Variants in FBXL7 observed in about 807,000 individuals in gnomAD.
FBXL7 encodes the protein F-box/LRR-repeat protein 7.
FBXL7 carries 12 observed loss-of-function variants against 38.3 expected under a neutral mutation model. That is an observed-to-expected ratio of 0.31 (90% CI 0.20 to 0.51). FBXL7 has a LOEUF of 0.51. FBXL7 is among the 20% of genes least tolerant of loss of function. The pLI, the probability that FBXL7 is intolerant of heterozygous loss-of-function variation, is 0.98. For synonymous variants in FBXL7, 297 were observed against 300.9 expected, an observed-to-expected ratio of 0.99 and a Z score of 0.13; for missense variants, 567 against 676.4, an observed-to-expected ratio of 0.84 and a Z score of 1.79.
At chr5:15,689,918 A>G (rs764784623) in intron 2 of FBXL7, among the ~76,000 whole-genome samples, 1 of 152,188 alleles carries the variant, frequency 6.6e-6, no homozygotes, top group Non-Finnish European at 1.5e-5. Context: ...TGTGCTGTGC[A>G]TTGTAAGATG....
intron 2 of FBXL7, among the ~76,000 whole-genome samples, chr5:15,779,935 C>T (rs756213717): frequency 3.3e-5 from 5 of 152,174 alleles, no homozygotes; most frequent in African/African-American, 4.8e-5. Flanking sequence ...TCTGCTCTCT[C>T]CAAACCTAAT....
At chr5:15,847,718 A>C (rs990391731) in intron 2 of FBXL7, among the ~76,000 whole-genome samples, 1 of 152,110 alleles carries the variant, frequency 6.6e-6, no homozygotes, top group African/African-American at 2.4e-5. Flanking sequence ...TCCAAGGAGG[A>C]CCTGACCTAA....
intron 2 of FBXL7, among the ~76,000 whole-genome samples, chr5:15,757,356 C>T (rs981254418): frequency 1.3e-5 from 2 of 152,120 alleles, no homozygotes; most frequent in African/African-American, 4.8e-5. Flanking sequence ...AAGACCTGGG[C>T]ACTTACATTC....
chr5:15,582,267 A>G (rs1297234129), intron 1 of FBXL7, among the ~76,000 whole-genome samples: 2 of 152,202 alleles, frequency 1.3e-5, no homozygotes, highest in African/African-American at 4.8e-5. Context: ...AAATGCATGC[A>G]CTGAAAATTG....
At chr5:15,647,524 G>A (rs1435133903) in intron 2 of FBXL7, among the ~76,000 whole-genome samples, 1 of 152,202 alleles carries the variant, frequency 6.6e-6, no homozygotes, top group Non-Finnish European at 1.5e-5. Flanking sequence ...TAGGGGAGTG[G>A]AGTGCTAATC....
intron 2 of FBXL7, among the ~76,000 whole-genome samples, chr5:15,620,191 C>T (rs554519997): frequency 2.0e-5 from 3 of 151,636 alleles, no homozygotes; most frequent in Admixed American, 6.6e-5. Flanking sequence ...GCATGATCTT[C>T]AGACTTATAT....
At chr5:15,890,577 G>T (rs376952416) in intron 2 of FBXL7, among the ~76,000 whole-genome samples, 1 of 152,108 alleles carries the variant, frequency 6.6e-6, no homozygotes, top group Non-Finnish European at 1.5e-5. Flanking sequence ...GCCCTATTGT[G>T]AACTGCGCAT....
intron 2 of FBXL7, among the ~76,000 whole-genome samples, chr5:15,791,808 A>T (rs943931924): frequency 6.6e-6 from 1 of 152,066 alleles, no homozygotes; most frequent in African/African-American, 2.4e-5. Context: ...GCTGCCCGTT[A>T]CTCAGTTCCA....
chr5:15,814,191 T>C (rs1389831497), intron 2 of FBXL7, among the ~76,000 whole-genome samples: 2 of 152,178 alleles, frequency 1.3e-5, no homozygotes, highest in Non-Finnish European at 2.9e-5. Flanking sequence ...TGCCCATCAA[T>C]GATAGGCTGG....
chr5:15,648,901 T>C (rs1382878475), intron 2 of FBXL7, among the ~76,000 whole-genome samples: 1 of 152,166 alleles, frequency 6.6e-6, no homozygotes, highest in Non-Finnish European at 1.5e-5. Context: ...TCAACTTTTT[T>C]TTTTTTTTTG....
intron 2 of FBXL7, among the ~76,000 whole-genome samples, chr5:15,917,032 G>A (rs1579599048): frequency 1.3e-5 from 2 of 152,240 alleles, no homozygotes; most frequent in South Asian, 4.1e-4. Context: ...CTTATTTCCA[G>A]TTTACGTAAG....
intron 2 of FBXL7, among the ~76,000 whole-genome samples, chr5:15,890,830 C>T (rs2174438): frequency 0.051 from 7,735 of 152,072 alleles, 622 homozygotes; most frequent in African/African-American, 0.18. Context: ...AAACTCAAAA[C>T]GCCATAAACA....
At chr5:15,710,984 T>C (rs1281006666) in intron 2 of FBXL7, among the ~76,000 whole-genome samples, 2 of 152,158 alleles carry the variant, frequency 1.3e-5, no homozygotes, top group East Asian at 3.9e-4. Context: ...GGGTGAGTCT[T>C]TCTCAAGAAA....
chr5:15,750,635 C>T (rs918738191), intron 2 of FBXL7, among the ~76,000 whole-genome samples: 2 of 152,192 alleles, frequency 1.3e-5, no homozygotes, highest in African/African-American at 2.4e-5. Context: ...CCTTTGGGCA[C>T]CTGAAGCCTA....
intron 1 of FBXL7, among the ~76,000 whole-genome samples, chr5:15,528,555 G>A (rs1258911691): frequency 6.6e-6 from 1 of 152,212 alleles, no homozygotes; most frequent in Non-Finnish European, 1.5e-5. Flanking sequence ...AAGAGAATGA[G>A]AGCCAAATGA....
rs11954851 is a variant in FBXL7, at chr5:15,573,223, A to G, written c.38-42760A>G. On this transcript the variant is annotated intron_variant, in intron 1 of 3. Transcript: ENST00000504595. ...ATTCTGCGGCCCAGTAAGCAGCTCA[A>G]TAAATGCTGGTGCAGTTGCACTGAG... Among the ~76,000 whole-genome samples the G allele has an allele frequency of 6.5e-3, 997 of 152,318 alleles. 11 individuals carry two copies. The highest frequency in any genetic ancestry group is 0.022 in the African/African-American group (927 of 41,570).
At chr5:15,663,894 G>C (rs952241934) in intron 2 of FBXL7, among the ~76,000 whole-genome samples, 18 of 152,114 alleles carry the variant, frequency 1.2e-4, no homozygotes, top group African/African-American at 3.6e-4. Context: ...CTGAAAGTCA[G>C]TTATTATATC....
chr5:15,605,746 T>C (rs902338336), intron 1 of FBXL7, among the ~76,000 whole-genome samples: 22 of 152,160 alleles, frequency 1.4e-4, no homozygotes, highest in African/African-American at 5.3e-4. Context: ...GTTATGTACA[T>C]TTTACCACAA....
intron 2 of FBXL7, among the ~76,000 whole-genome samples, chr5:15,695,129 T>C (rs1369327219): frequency 6.6e-6 from 1 of 152,174 alleles, no homozygotes; most frequent in Non-Finnish European, 1.5e-5. Flanking sequence ...TTAATAACTT[T>C]TTACTTTTAG....
Sources: allele counts gnomAD v4.1 joint callset (sites outside exome capture counted in the v4.1 genomes callset), GRCh38; gene constraint gnomAD v4.1.1; transcripts MANE v1.5; gene names NCBI Gene and HGNC (gene_info 2026-07-23, HGNC 2026-07-21).